The following GUCA1A variants were observed in gnomAD, a reference collection of about 807,000 sequenced individuals.
The protein encoded by GUCA1A is guanylate cyclase activator 1A, also known as guanylyl cyclase-activating protein 1.
GUCA1A carries 14 observed loss-of-function variants against 18.5 expected under a neutral mutation model. That is an observed-to-expected ratio of 0.76 (90% CI 0.50 to 1.18). The LOEUF (loss-of-function observed/expected upper bound fraction) is 1.18. Ranked by LOEUF, GUCA1A falls within the 50% of genes most tolerant of loss-of-function variation. GUCA1A has a pLI of 0.00. For synonymous variants in GUCA1A, 97 were observed against 100.2 expected (o/e 0.97, Z 0.19); for missense variants, 264 against 262.4 (o/e 1.01, Z -0.04).
rs752984200 is a variant in GUCA1A at position 42,179,419 on chromosome 6, G to A, written c.*16G>A. 5.1e-6 allele frequency: 8 copies of A among 1,564,988 alleles called. No individual in the cohort carries two copies. In the Admixed American group the frequency reaches 9.4e-5, roughly 18 times the overall value. ...AGCCGGCTGAGTGCACCGCCCGGCT[G>A]CTTCTGCACTAGCGGGTGGGGTGGT... is the stretch of plus-strand genomic sequence containing the variant. On this transcript the variant is annotated 3_prime_UTR_variant, in exon 4 of 4. Transcript: ENST00000372958.
At position 42,178,336 on chromosome 6, in the gene GUCA1A, G is replaced by A. The variant is rs1184066039; in HGVS notation, c.258G>A (p.Gly86=). ...YVAALSLVLK[G]KVEQKLRWYF... ...CAGCGCTCAGCTTGGTCCTCAAGGG[G>A]AAGGTGGAACAGAAGCTCCGCTGGT... Residue 86 remains glycine (G), a synonymous_variant, in exon 2 of 4, where the codon GGG becomes GGA. Transcript: ENST00000372958. 6.2e-7 allele frequency: 1 copy of A among 1,614,016 alleles called. No individual in the cohort carries two copies. The highest frequency in any genetic ancestry group is 8.5e-7 in the Non-Finnish European group (1 of 1,179,980).
chr6:42,179,274 C>A lies in GUCA1A; in HGVS notation c.477C>A (p.Gly159=). The change falls in exon 4 of 4, where the codon GGC becomes GGA. Residue 159 remains glycine (G), a synonymous_variant. Coordinates refer to ENST00000372958, the MANE Select transcript of GUCA1A (RefSeq NM_001384910.1). ...GELSLEEFIE[G]VQKDQMLLDT... is the part of the protein sequence containing the mutation. ...TCTCCCTGGAAGAGTTTATAGAGGG[C>A]GTCCAGAAGGACCAGATGCTCCTGG... The A allele has an allele frequency of 6.2e-7, 1 of 1,613,532 alleles. No individual in the cohort carries two copies. Among genetic ancestry groups the A allele is most frequent in the Admixed American group, 1.7e-5 (1 of 60,014 alleles).
chr6:42,178,487 G>A, intron 2 of GUCA1A, 58 bp downstream of exon 2: 1 of 1,461,030 alleles, frequency 6.8e-7, no homozygotes, highest in Non-Finnish European at 9.6e-7. Context: ...CCGGAACTGA[G>A]AGCCCAGGGT....
At chr6:42,176,832 A>G (rs1266066063) in intron 1 of GUCA1A, among the ~76,000 whole-genome samples, 1 of 152,166 alleles carries the variant, frequency 6.6e-6, no homozygotes, top group Non-Finnish European at 1.5e-5. Context: ...CACCACATCT[A>G]TTTATTTACG....
At chr6:42,179,121 C>A in intron 3 of GUCA1A, 122 bp from the exon 4 acceptor site, 1 of 1,015,080 alleles carries the variant, frequency 9.9e-7, no homozygotes, top group Non-Finnish European at 1.6e-6. Context: ...GCACCCGCAG[C>A]AGGGGCTCTG....
At chr6:42,176,861 T>C (rs942624483) in intron 1 of GUCA1A, among the ~76,000 whole-genome samples, 1 of 152,248 alleles carries the variant, frequency 6.6e-6, no homozygotes, top group African/African-American at 2.4e-5. Flanking sequence ...TGTCTATGGC[T>C]GCTTTCACGT....
Position 42,179,269 on chromosome 6 carries a change from G to A in GUCA1A, c.472G>A (p.Glu158Lys). 6.2e-7 allele frequency: 1 copy of A among 1,613,826 alleles called. No individual in the cohort carries two copies. Among genetic ancestry groups the A allele is most frequent in the Non-Finnish European group, 8.5e-7 (1 of 1,179,762 alleles). ...GGAACTCTCCCTGGAAGAGTTTATA[G>A]AGGGCGTCCAGAAGGACCAGATGCT... ...DGELSLEEFI[E>K]GVQKDQMLLD... is the part of the protein sequence containing the mutation. Residue 158 changes from glutamate to lysine, a missense_variant, in exon 4 of 4, where the codon GAG (glutamate) becomes AAG (lysine). By Grantham distance (56) the Glu-to-Lys change is moderately conservative. Transcript: ENST00000372958.
chr6:42,174,101 C>G (rs1298295772), intron 1 of GUCA1A, among the ~76,000 whole-genome samples: 1 of 152,186 alleles, frequency 6.6e-6, no homozygotes, highest in East Asian at 1.9e-4. Context: ...GACAGAGAGG[C>G]CCACACATTA....
intron 1 of GUCA1A, among the ~76,000 whole-genome samples, chr6:42,177,393 T>A (rs1444322844): frequency 6.6e-6 from 1 of 152,164 alleles, no homozygotes; most frequent in African/African-American, 2.4e-5. Flanking sequence ...TATATTTTCA[T>A]TGAATCTAAT....
chr6:42,173,848 G>C (rs1417552020), intron 1 of GUCA1A, 34 bp downstream of exon 1: 1 of 1,529,260 alleles, frequency 6.5e-7, no homozygotes, highest in Non-Finnish European at 9.1e-7. Context: ...GAGGGGAAGT[G>C]CTGGAGGGAC....
At position 42,179,516 on chromosome 6, in the gene GUCA1A, G is replaced by A. The variant is rs1373607460; in HGVS notation, c.*113G>A. The A allele has an allele frequency of 5.6e-6, 5 of 887,972 alleles. No individual in the cohort carries two copies. Among genetic ancestry groups the A allele is most frequent in the Non-Finnish European group, 8.4e-6 (5 of 595,082 alleles). The allele number at this position is 887,972 out of a possible 1,614,324, so 55.0% of individuals were successfully genotyped here. Reference sequence around the variant, plus strand: ...TCTAATGAACTCAGAGGCTTAGCTCGCCTCTTTAGGGTCCATGGTGGCAGC... The same window carrying A: ...TCTAATGAACTCAGAGGCTTAGCTCACCTCTTTAGGGTCCATGGTGGCAGC... On this transcript the variant is annotated 3_prime_UTR_variant, in exon 4 of 4. Transcript: ENST00000372958.
chr6:42,174,893 C>T (rs1400488164), intron 1 of GUCA1A, among the ~76,000 whole-genome samples: 1 of 152,212 alleles, frequency 6.6e-6, no homozygotes, highest in South Asian at 2.1e-4. Flanking sequence ...CCAGAAGGTC[C>T]AGGCACCATC....
Position 42,179,702 on chromosome 6 carries a change from TCCCAGCTTTC to T in GUCA1A, c.*304_*313del, listed in dbSNP as rs1319178186. 1.9e-5 allele frequency: 5 copies of T among 262,374 alleles called. No homozygotes were observed. The highest frequency in any genetic ancestry group is 1.0e-4 in the Admixed American group (2 of 19,994). The allele number at this position is 262,374 out of a possible 1,614,324, so 16.3% of individuals were successfully genotyped here. Reference sequence around the variant, plus strand: ...CCCTTCTGACTCCTCTCCCAGCTTTTCCCAGCTTTCCCCACTGAGCTTCTCCAGTCCATGC... The same window carrying T: ...CCCTTCTGACTCCTCTCCCAGCTTTTCCCACTGAGCTTCTCCAGTCCATGC... On this transcript the variant is annotated 3_prime_UTR_variant, in exon 4 of 4. Coordinates refer to ENST00000372958, the MANE Select transcript of GUCA1A (RefSeq NM_001384910.1).
In GUCA1A at chr6:42,173,392, G is replaced by A; in HGVS notation, c.-222G>A. 1.6e-6 allele frequency: 1 copy of A among 607,616 alleles called. No individual in the cohort carries two copies. Among genetic ancestry groups the A allele is most frequent in the Non-Finnish European group, 3.0e-6 (1 of 338,684 alleles). The allele number at this position is 607,616 out of a possible 1,614,324, so 37.6% of individuals were successfully genotyped here. On this transcript the variant is annotated 5_prime_UTR_variant, in exon 1 of 4. Coordinates refer to ENST00000372958, the MANE Select transcript of GUCA1A (RefSeq NM_001384910.1). Reference sequence around the variant, plus strand: ...GGAGACTCTTAACACCAGTTCTCTGGCATCTGTGAGTTTGAGTGTGGGCCA... The same window carrying A: ...GGAGACTCTTAACACCAGTTCTCTGACATCTGTGAGTTTGAGTGTGGGCCA...
chr6:42,178,159 T>G, intron 1 of GUCA1A, 121 bp from the exon 2 acceptor site: 2 of 1,163,356 alleles, frequency 1.7e-6, no homozygotes, highest in Non-Finnish European at 2.5e-6. Flanking sequence ...GGTCCGGGTC[T>G]CCCCTCAGCG....
intron 1 of GUCA1A, among the ~76,000 whole-genome samples, chr6:42,177,191 T>C (rs1767980582): frequency 6.6e-6 from 1 of 152,146 alleles, no homozygotes; most frequent in Non-Finnish European, 1.5e-5. Context: ...AGTACTGATA[T>C]AGGATGATTT....
intron 3 of GUCA1A, 70 bp from the exon 4 acceptor site, chr6:42,179,173 C>T: frequency 6.9e-7 from 1 of 1,449,788 alleles, no homozygotes; most frequent in Non-Finnish European, 9.7e-7. Flanking sequence ...CTGGCAAGAA[C>T]CCGGTTCTGT....
At chr6:42,174,986 T>C (rs1582319689) in intron 1 of GUCA1A, among the ~76,000 whole-genome samples, 1 of 152,284 alleles carries the variant, frequency 6.6e-6, no homozygotes, top group East Asian at 1.9e-4. Context: ...CCAAAGTAGA[T>C]TACGGGCTTT....
In GUCA1A at chr6:42,173,785, C is replaced by G. The variant is rs1287602241; in HGVS notation, c.172C>G (p.Gln58Glu). 6.2e-7 allele frequency: 1 copy of G among 1,613,892 alleles called. No individual in the cohort carries two copies. The highest frequency in any genetic ancestry group is 2.2e-5 in the East Asian group (1 of 44,902). ...LSPSASQYVE[Q>E]MFETFDFNKD... ...CCCGTCGGCCAGCCAGTACGTGGAA[C>G]AGATGTTTGAGACTTTTGACTTCAA... Residue 58 changes from glutamine to glutamate, a missense_variant, in exon 1 of 4, where the codon CAG becomes GAG. Gln to Glu is a conservative substitution (Grantham distance 29, BLOSUM62 2). Coordinates refer to ENST00000372958, the MANE Select transcript of GUCA1A (RefSeq NM_001384910.1).
Sources: allele counts gnomAD v4.1 joint callset (sites outside exome capture counted in the v4.1 genomes callset), GRCh38; gene constraint gnomAD v4.1.1; transcripts MANE v1.5; gene names NCBI Gene and HGNC (gene_info 2026-07-23, HGNC 2026-07-21).